DIABLO: variants seen among roughly 807,000 people sequenced by gnomAD.
DIABLO encodes diablo homolog, mitochondrial.
DIABLO carries 32 observed loss-of-function variants against 31.7 expected under a neutral mutation model. That is an observed-to-expected ratio of 1.01 (90% CI 0.76 to 1.35). The LOEUF (loss-of-function observed/expected upper bound fraction) is 1.35, where lower values mean the gene tolerates loss of function less well. Ranked by LOEUF, DIABLO falls within the 40% of genes most tolerant of loss-of-function variation. DIABLO has a pLI of 0.00. For missense variants in DIABLO, 316 were observed against 286.4 expected (o/e 1.10, Z -0.75); for synonymous variants, 132 against 103.2 (o/e 1.28, Z -1.69).
At chr12:122,226,641 C>G (rs1288714999), upstream of DIABLO, 9 of 666,494 alleles carry the variant, frequency 1.4e-5, no homozygotes, top group Non-Finnish European at 2.4e-5. Flanking sequence ...CGGGAACACA[C>G]GAGGTCCTGG....
intron 5 of DIABLO, among the ~76,000 whole-genome samples, chr12:122,211,410 A>G (rs1314916453): frequency 6.6e-6 from 1 of 151,650 alleles, no homozygotes; most frequent in African/African-American, 2.4e-5. Context: ...AAAATAAAAA[A>G]CAATCACACT....
intron 5 of DIABLO, among the ~76,000 whole-genome samples, chr12:122,214,080 CTCAAAAAAACAAACAA>C (rs1480272246): frequency 4.0e-5 from 6 of 151,278 alleles, no homozygotes; most frequent in African/African-American, 1.5e-4. Flanking sequence ...ATGAGACTGT[CTCAAAAAAACAAACAA>C]ACAAAAAAAC....
Position 122,216,798 on chromosome 12 carries a change from TTCC to T in DIABLO, c.384_386del (p.Glu129del), listed in dbSNP as rs1485920116. ...CTATGATCACCTGCCACACTTCATC[TTCC>T]TCCTCTGAATTCATTTTCCCAAGTA... On this transcript the variant is annotated inframe_deletion, in exon 4 of 6. Coordinates refer to ENST00000464942, the MANE Select transcript of DIABLO (RefSeq NM_001371333.1). The T allele has an allele frequency of 1.9e-6, 3 of 1,614,100 alleles. No individual in the cohort carries two copies. The highest frequency in any genetic ancestry group is 2.5e-6 in the Non-Finnish European group (3 of 1,180,044).
chr12:122,210,474 G>A (rs1464888071), intron 5 of DIABLO, among the ~76,000 whole-genome samples: 7 of 146,818 alleles, frequency 4.8e-5, no homozygotes, highest in African/African-American at 1.5e-4. Flanking sequence ...CCGGGTTCAC[G>A]CCATTCTCCT....
intron 5 of DIABLO, among the ~76,000 whole-genome samples, chr12:122,215,180 G>A (rs184957496): frequency 6.6e-6 from 1 of 152,232 alleles, no homozygotes; most frequent in East Asian, 1.9e-4. Context: ...TAATCGGGAG[G>A]CTGAGGCAGG....
chr12:122,223,121 A>G (rs1954370370), intron 2 of DIABLO, among the ~76,000 whole-genome samples: 1 of 152,016 alleles, frequency 6.6e-6, no homozygotes. Context: ...ATGTCAGATC[A>G]TAATAGTTCT....
upstream of DIABLO, chr12:122,226,589 G>A (rs1593186569): frequency 1.5e-6 from 1 of 689,586 alleles, no homozygotes. Flanking sequence ...GCCCCAGGAC[G>A]GTCGGCGGCC....
intron 2 of DIABLO, among the ~76,000 whole-genome samples, chr12:122,222,993 T>G (rs1315882673): frequency 6.6e-6 from 1 of 151,900 alleles, no homozygotes; most frequent in East Asian, 1.9e-4. Context: ...CTAACTACGT[T>G]GAGCTAAATT....
chr12:122,208,667 T>C lies in DIABLO; in HGVS notation c.524-90A>G, dbSNP rs753604950. On this transcript the variant is annotated intron_variant, in intron 5 of 5. Transcript: ENST00000464942. ...TGGCCTGGGGGTGCTGTGGCTGTCA[T>C]CTGAACCCCTCTTGGGGTCACTTTC... is the stretch of plus-strand genomic sequence containing the variant. The C allele has an allele frequency of 7.6e-6, 10 of 1,317,908 alleles. No individual in the cohort carries two copies. The African/African-American group carries it at 8.7e-5, about 11-fold the overall frequency. 81.6% of individuals were successfully genotyped at this position (1,317,908 alleles called of 1,614,324 possible).
chr12:122,208,871 TTTGA>T (rs532505904), intron 5 of DIABLO: 183 of 460,150 alleles, frequency 4.0e-4, no homozygotes, highest in Middle Eastern at 1.1e-3. Flanking sequence ...AGTACAGACC[TTTGA>T]TTAATTTTTT....
chr12:122,217,042 G>C, intron 3 of DIABLO, 173 bp from the exon 4 acceptor site: 3 of 601,972 alleles, frequency 5.0e-6, no homozygotes, highest in Non-Finnish European at 9.0e-6. Context: ...CAGGACATTA[G>C]TATCTCCATC....
rs774790079 is a variant in DIABLO at position 122,218,316 on chromosome 12, G to C, written c.265C>G (p.Leu89Val). 1 of 1,614,140 alleles carries C rather than the reference G, an allele frequency of 6.2e-7. No individual in the cohort carries two copies. The highest frequency in any genetic ancestry group is 1.7e-5 in the Admixed American group (1 of 60,012). ...ATCAACGCATATGTGGTCTGAGAGAGAAAGGTAGAGGTGCTATCTGTTACC... is the reference window on the plus strand; with the variant it reads ...ATCAACGCATATGTGGTCTGAGAGACAAAGGTAGAGGTGCTATCTGTTACC... ...SLVTDSTSTF[L>V]SQTTYALIEA... The change falls in exon 3 of 6, where the codon CTC (leucine) becomes GTC (valine). Residue 89 changes from leucine to valine, a missense_variant. Leu to Val is a conservative substitution (Grantham distance 32). Coordinates refer to ENST00000464942, the MANE Select transcript of DIABLO (RefSeq NM_001371333.1).
intron 5 of DIABLO, among the ~76,000 whole-genome samples, chr12:122,215,536 G>A (rs1037611105): frequency 6.6e-6 from 1 of 152,136 alleles, no homozygotes; most frequent in Non-Finnish European, 1.5e-5. Flanking sequence ...CCCAGGAGGT[G>A]GAGGTTGCAG....
Position 122,224,639 on chromosome 12 carries a change from CTG to C in DIABLO, c.54_55del (p.Tyr18Ter), listed in dbSNP as rs747060497. ...CACAACAGGAACACACAAACACTGT[CTG>C]TACCTGGAAGTAGAAGTCAGATTTC... is the stretch of plus-strand genomic sequence containing the variant. On this transcript the variant is annotated stop_gained and frameshift_variant, in exon 2 of 6. Coordinates refer to ENST00000464942, the MANE Select transcript of DIABLO (RefSeq NM_001371333.1). LOFTEE classifies it high-confidence loss of function. 1.9e-6 allele frequency: 3 copies of C among 1,614,058 alleles called. No homozygotes were observed. The highest frequency in any genetic ancestry group is 8.5e-7 in the Non-Finnish European group (1 of 1,180,042).
intron 5 of DIABLO, among the ~76,000 whole-genome samples, chr12:122,214,113 CAACAAA>C (rs1021011327): frequency 1.3e-5 from 2 of 151,944 alleles, no homozygotes; most frequent in African/African-American, 4.8e-5. Flanking sequence ...AAACTAACAA[CAACAAA>C]AAAAACCTTC....
Position 122,209,473 on chromosome 12 carries a change from G to A in DIABLO, c.524-896C>T, listed in dbSNP as rs542643152. Among the ~76,000 whole-genome samples, 4 of 152,300 alleles carry A rather than the reference G, an allele frequency of 2.6e-5. No individual in the cohort carries two copies. In the South Asian group the frequency reaches 8.3e-4, roughly 32 times the overall value. On this transcript the variant is annotated intron_variant, in intron 5 of 5. Coordinates refer to ENST00000464942, the MANE Select transcript of DIABLO (RefSeq NM_001371333.1). Reference sequence around the variant, plus strand: ...GAGCTCAGGAGTTCAAGACCAGCCTGGGTAACACGGTGAAACCCCGTTTCT... The same window carrying A: ...GAGCTCAGGAGTTCAAGACCAGCCTAGGTAACACGGTGAAACCCCGTTTCT...
At chr12:122,213,284 G>C (rs1350352710) in intron 5 of DIABLO, among the ~76,000 whole-genome samples, 7 of 151,758 alleles carry the variant, frequency 4.6e-5, no homozygotes, top group Non-Finnish European at 7.4e-5. Context: ...AATCCCAGCA[G>C]TTTGAGAGGC....
At chr12:122,213,269 T>A (rs1173537515) in intron 5 of DIABLO, among the ~76,000 whole-genome samples, 4 of 152,022 alleles carry the variant, frequency 2.6e-5, no homozygotes, top group Non-Finnish European at 5.9e-5. Context: ...GTGTCTCATG[T>A]CTGTAATCCC....
chr12:122,220,040 T>C (rs1260683475), intron 2 of DIABLO, among the ~76,000 whole-genome samples: 1 of 146,294 alleles, frequency 6.8e-6, no homozygotes, highest in Non-Finnish European at 1.5e-5. Flanking sequence ...GCCTCCTGGG[T>C]TCAAGCGATT....
Sources: gnomAD v4.1 joint callset for allele counts (sites outside exome capture counted in the v4.1 genomes callset) on GRCh38, gnomAD v4.1.1 for gene constraint, MANE v1.5 for transcripts, NCBI Gene and HGNC (gene_info 2026-07-23, HGNC 2026-07-21) for gene names.